Variants in NDC1 observed in about 807,000 individuals in gnomAD.
NDC1 encodes NDC1 transmembrane nucleoporin, also known as nucleoporin NDC1.
Under a neutral mutation model 89.8 loss-of-function variants are expected in NDC1, and 24 were observed. The observed-to-expected ratio is 0.27, with a 90% CI of 0.19 to 0.38. NDC1 has a LOEUF of 0.38. Among genes scored for constraint, NDC1 ranks in the 10% least tolerant of loss-of-function variants. NDC1 has a pLI of 1.00. For synonymous variants in NDC1, 296 were observed against 284.8 expected (o/e 1.04, Z -0.39); for missense variants, 728 against 797.6 (o/e 0.91, Z 1.05).
chr1:53,817,448 C>T (rs1485324215), intron 6 of NDC1, among the ~76,000 whole-genome samples: 4 of 152,090 alleles, frequency 2.6e-5, no homozygotes. Flanking sequence ...GATGCAAAGG[C>T]ATAAGAATAA....
At position 53,778,933 on chromosome 1, in the gene NDC1, G is replaced by A. The variant is rs538898542; in HGVS notation, c.1801-6444C>T. ...GAGGCAGGCAGATCACTTGAGCTCC[G>A]GAGTTCAAGAGCAGCCTGGACAACA... On this transcript the variant is annotated intron_variant, in intron 16 of 17. Transcript: ENST00000371429. Among the ~76,000 whole-genome samples, 15 of 152,052 alleles carry A rather than the reference G, an allele frequency of 9.9e-5. No homozygotes were observed. In the South Asian group the frequency reaches 1.9e-3, roughly 19 times the overall value.
chr1:53,835,761 T>G (rs185911737), intron 1 of NDC1, 141 bp from the exon 2 acceptor site: 2 of 661,832 alleles, frequency 3.0e-6, no homozygotes, highest in East Asian at 5.5e-5. Flanking sequence ...AGTAATAACA[T>G]TACGTACCAC....
intron 16 of NDC1, among the ~76,000 whole-genome samples, chr1:53,782,136 G>T (rs1026857529): frequency 6.6e-6 from 1 of 152,058 alleles, no homozygotes; most frequent in African/African-American, 2.4e-5. Flanking sequence ...GGAAAGAAAA[G>T]GCAGCATGTG....
intron 11 of NDC1, among the ~76,000 whole-genome samples, chr1:53,797,828 T>C (rs1647772031): frequency 6.6e-6 from 1 of 152,044 alleles, no homozygotes; most frequent in African/African-American, 2.4e-5. Flanking sequence ...AGATTCGCCA[T>C]GTTTCCCAGG....
At chr1:53,833,720 A>AAT (rs964901787) in intron 2 of NDC1, among the ~76,000 whole-genome samples, 4 of 151,946 alleles carry the variant, frequency 2.6e-5, no homozygotes, top group East Asian at 3.9e-4. Context: ...CAAAGTTTAA[A>AAT]ATATATATAT....
At chr1:53,779,185 G>A (rs530181793) in intron 16 of NDC1, among the ~76,000 whole-genome samples, 81 of 149,140 alleles carry the variant, frequency 5.4e-4, no homozygotes, top group South Asian at 1.5e-3. Context: ...AGTAGTAAGA[G>A]CTAACATTTA....
intron 10 of NDC1, among the ~76,000 whole-genome samples, chr1:53,801,424 T>C (rs1439636529): frequency 2.0e-5 from 3 of 152,260 alleles, no homozygotes; most frequent in Admixed American, 6.5e-5. Flanking sequence ...ATTATCTTAT[T>C]ATTTAACTTA....
intron 6 of NDC1, 135 bp from the exon 7 acceptor site, chr1:53,809,881 T>G: frequency 1.5e-6 from 1 of 666,618 alleles, no homozygotes; most frequent in Non-Finnish European, 2.7e-6. Flanking sequence ...TTATTAGGAA[T>G]GAGTAGGAAA....
chr1:53,838,233 G>A lies in NDC1; in HGVS notation c.29C>T (p.Ala10Val), dbSNP rs1341424656. The A allele has an allele frequency of 6.5e-7, 1 of 1,536,702 alleles. No individual in the cohort carries two copies. Among genetic ancestry groups the A allele is most frequent in the South Asian group, 1.2e-5 (1 of 83,876 alleles). Residue 10 changes from alanine to valine, a missense_variant, in exon 1 of 18, where the codon GCC becomes GTC. Coordinates refer to ENST00000371429, the MANE Select transcript of NDC1 (RefSeq NM_018087.5). MATAVSRPC[A>V]GRSRDILWRV... ...CCACAGTATGTCCCGCGACCTGCCG[G>A]CGCAGGGCCGGCTCACGGCCGTGGC...
intron 6 of NDC1, among the ~76,000 whole-genome samples, chr1:53,811,317 C>A (rs1648298981): frequency 1.3e-5 from 2 of 151,876 alleles, no homozygotes; most frequent in Non-Finnish European, 2.9e-5. Flanking sequence ...GTAGACTCCA[C>A]AGGTGGGGCA....
chr1:53,776,890 AATG>A (rs564817468), intron 16 of NDC1, among the ~76,000 whole-genome samples: 11 of 152,208 alleles, frequency 7.2e-5, no homozygotes, highest in Non-Finnish European at 1.5e-4. Flanking sequence ...ACTAATGAGT[AATG>A]ATAATTCCTA....
chr1:53,829,214 T>C (rs1050619169), intron 3 of NDC1, among the ~76,000 whole-genome samples: 8 of 151,976 alleles, frequency 5.3e-5, no homozygotes, highest in African/African-American at 1.9e-4. Flanking sequence ...TGGCAGGAGG[T>C]AGAAAATTAA....
intron 6 of NDC1, among the ~76,000 whole-genome samples, chr1:53,811,816 A>T (rs1013402729): frequency 2.0e-5 from 3 of 152,150 alleles, no homozygotes; most frequent in Non-Finnish European, 4.4e-5. Context: ...AAAGTAGAGC[A>T]TTAAACCACC....
chr1:53,768,515 C>A (rs1356300093), intron 17 of NDC1, among the ~76,000 whole-genome samples: 2 of 152,100 alleles, frequency 1.3e-5, no homozygotes, highest in Non-Finnish European at 2.9e-5. Context: ...TTACTTCTCC[C>A]TTTGAACATA....
At chr1:53,770,136 C>T (rs1647099519) in intron 17 of NDC1, among the ~76,000 whole-genome samples, 1 of 152,016 alleles carries the variant, frequency 6.6e-6, no homozygotes, top group Non-Finnish European at 1.5e-5. Flanking sequence ...AAATATGGCT[C>T]TTTTCAGAGA....
chr1:53,787,363 T>G (rs574280288), intron 15 of NDC1, 105 bp from the exon 16 acceptor site: 37 of 694,798 alleles, frequency 5.3e-5, no homozygotes, highest in African/African-American at 4.8e-4. Context: ...TAAAAAGAAA[T>G]AAAGGCTGGG....
In NDC1 at chr1:53,800,657, T is replaced by TA. The variant is rs554893665; in HGVS notation, c.1222+35dup. The stretch of plus-strand genomic sequence containing the variant: ...GTCATCTTTCTTAGGAAATAAAATG[T>TA]AAATGTTTTCCCCTCTTAGTAGTCC... On this transcript the variant is annotated intron_variant, in intron 11 of 17. Coordinates refer to ENST00000371429, the MANE Select transcript of NDC1 (RefSeq NM_018087.5). 1,372 of 1,606,618 alleles carry TA rather than the reference T, an allele frequency of 8.5e-4. 1 individual carries two copies. The highest frequency in any genetic ancestry group is 1.8e-3 in the South Asian group (162 of 90,858).
intron 16 of NDC1, among the ~76,000 whole-genome samples, chr1:53,781,986 G>C (rs1647212962): frequency 6.6e-6 from 1 of 152,184 alleles, no homozygotes; most frequent in African/African-American, 2.4e-5. Context: ...GATGGGAATA[G>C]AGGCGAGACA....
intron 5 of NDC1, among the ~76,000 whole-genome samples, chr1:53,824,874 T>C (rs1360500156): frequency 1.3e-5 from 2 of 152,140 alleles, no homozygotes; most frequent in Admixed American, 6.5e-5. Context: ...AGGTTCTAAG[T>C]TCAAAAAGAA....
Sources: gnomAD v4.1 joint callset for allele counts (sites outside exome capture counted in the v4.1 genomes callset) on GRCh38, gnomAD v4.1.1 for gene constraint, MANE v1.5 for transcripts, NCBI Gene and HGNC (gene_info 2026-07-23, HGNC 2026-07-21) for gene names.